Variants in LRP5 observed in about 807,000 individuals in gnomAD.
LRP5 encodes LDL receptor related protein 5.
LRP5 carries 62 observed loss-of-function variants against 154.1 expected under a neutral mutation model. That is an observed-to-expected ratio of 0.40 (90% CI 0.33 to 0.50). The LOEUF (loss-of-function observed/expected upper bound fraction) is 0.50, where lower values mean the gene tolerates loss of function less well. LRP5 is among the 20% of genes least tolerant of loss of function. The probability of loss-of-function intolerance (pLI) is 0.55; values close to 1 mark genes in which losing one functional copy is unlikely to be tolerated. For synonymous variants in LRP5, 966 were observed against 1,011.5 expected (o/e 0.96, Z 0.85); for missense variants, 1,915 against 2,336.7 (o/e 0.82, Z 3.72).
chr11:68,374,197 C>A (rs536816184), intron 5 of LRP5, among the ~76,000 whole-genome samples: 5 of 152,288 alleles, frequency 3.3e-5, no homozygotes, highest in South Asian at 2.1e-4. Context: ...CAGCTGGAGC[C>A]GACGGCAAAG....
intron 18 of LRP5, among the ~76,000 whole-genome samples, chr11:68,435,789 G>A (rs1173864325): frequency 1.3e-5 from 2 of 152,156 alleles, no homozygotes; most frequent in Non-Finnish European, 2.9e-5. Context: ...GCAGTGGCAT[G>A]ATCTTGGCTC....
At chr11:68,427,736 C>G (rs1459400618) in intron 16 of LRP5, among the ~76,000 whole-genome samples, 2 of 151,492 alleles carry the variant, frequency 1.3e-5, no homozygotes, top group Admixed American at 6.6e-5. Context: ...CCAAAAAAAC[C>G]GAACACTGAA....
At position 68,423,677 on chromosome 11, in the gene LRP5, C is replaced by A. The variant is rs200786182; in HGVS notation, c.3216C>A (p.Ile1072=). ...LRGDRDKPRA[I]VVNAERGYLY... The stretch of plus-strand genomic sequence containing the variant: ...GGGACCGCGACAAGCCCAGGGCCAT[C>A]GTCGTCAACGCGGAGCGAGGGTAGG... The change falls in exon 14 of 23, where the codon ATC becomes ATA. Residue 1072 remains isoleucine, a synonymous_variant. Coordinates refer to ENST00000294304, the MANE Select transcript of LRP5 (RefSeq NM_002335.4). The surrounding 1 kb of genome is among the most constrained non-coding windows in gnomAD (Gnocchi z 4.7). 1 of 1,612,772 alleles carries A rather than the reference C, an allele frequency of 6.2e-7. No homozygotes were observed.
intron 13 of LRP5, among the ~76,000 whole-genome samples, chr11:68,420,716 A>AG (rs1198966975): frequency 6.6e-6 from 1 of 152,054 alleles, no homozygotes; most frequent in Non-Finnish European, 1.5e-5. Flanking sequence ...AAAAAAAAAA[A>AG]AAATCATCGG....
intron 1 of LRP5, among the ~76,000 whole-genome samples, chr11:68,314,128 G>C (rs1236388664): frequency 3.9e-5 from 6 of 152,298 alleles, no homozygotes; most frequent in Non-Finnish European, 5.9e-5. Flanking sequence ...GGCCAGCGCC[G>C]CTCCTTTTTC....
At chr11:68,437,993 T>C (rs999930371) in intron 19 of LRP5, among the ~76,000 whole-genome samples, 1 of 152,214 alleles carries the variant, frequency 6.6e-6, no homozygotes, top group Non-Finnish European at 1.5e-5. Context: ...GAAACTTCCC[T>C]ATGGGCAGCC....
intron 13 of LRP5, among the ~76,000 whole-genome samples, chr11:68,417,306 G>T (rs546975243): frequency 7.9e-5 from 12 of 152,116 alleles, no homozygotes; most frequent in African/African-American, 2.7e-4. Flanking sequence ...TGTGTGTGTG[G>T]GTGTGACCCT....
chr11:68,405,959 G>T (rs475712), intron 8 of LRP5, among the ~76,000 whole-genome samples: 5 of 152,148 alleles, frequency 3.3e-5, no homozygotes, highest in African/African-American at 1.2e-4. Context: ...GGGCCAGATC[G>T]CAGGCCCGGA....
rs1371264708 is a variant in LRP5 at position 68,429,570 on chromosome 11, T to G, written c.3638-5T>G. The G allele has an allele frequency of 3.7e-6, 6 of 1,614,000 alleles. No individual in the cohort carries two copies. Among genetic ancestry groups the G allele is most frequent in the Non-Finnish European group, 3.4e-6 (4 of 1,180,046 alleles). On this transcript the variant is annotated splice_polypyrimidine_tract_variant and splice_region_variant and intron_variant, in intron 16 of 22. Coordinates refer to ENST00000294304, the MANE Select transcript of LRP5 (RefSeq NM_002335.4). ...ACCTCTGTTTGTCTTGTTTTGTCTTTGCAGCAGCCCACCCATGTGCCCGTG... is the reference window on the plus strand; with the variant it reads ...ACCTCTGTTTGTCTTGTTTTGTCTTGGCAGCAGCCCACCCATGTGCCCGTG...
intron 1 of LRP5, among the ~76,000 whole-genome samples, chr11:68,341,064 T>TTTTTTTTTTTTTTTTTTTTTTTTTTC: frequency 6.9e-6 from 1 of 145,490 alleles, no homozygotes; most frequent in African/African-American, 2.7e-5. Flanking sequence ...TTGTTCTTTT[T>TTTTTTTTTTTTTTTTTTTTTTTTTTC]TTTTTTTTTT....
intron 1 of LRP5, among the ~76,000 whole-genome samples, chr11:68,319,343 C>T (rs1236541157): frequency 6.6e-6 from 1 of 152,116 alleles, no homozygotes; most frequent in Non-Finnish European, 1.5e-5. Flanking sequence ...GCTGGGATTA[C>T]AGGCGTGAGC....
At position 68,423,801 on chromosome 11, in the gene LRP5, G is replaced by T; in HGVS notation, c.3236+104G>T. The T allele has an allele frequency of 8.6e-7, 1 of 1,164,778 alleles. No homozygotes were observed. The allele number at this position is 1,164,778 out of a possible 1,614,324, so 72.2% of individuals were successfully genotyped here. On this transcript the variant is annotated intron_variant, in intron 14 of 22. Coordinates refer to ENST00000294304, the MANE Select transcript of LRP5 (RefSeq NM_002335.4). The surrounding 1 kb of genome is among the most constrained non-coding windows in gnomAD (Gnocchi z 4.7). ...ACAGGCTGGGGAGACTTTCCACCCT[G>T]GGGATCCAATGGGTGGCTTTCCAGG...
chr11:68,337,043 A>G (rs2098606092), intron 1 of LRP5, among the ~76,000 whole-genome samples: 1 of 152,364 alleles, frequency 6.6e-6, no homozygotes, highest in Non-Finnish European at 1.5e-5. Context: ...ATAAAATGCC[A>G]TAAAAACGCC....
rs182404856 is a variant in LRP5, at chr11:68,352,452, A to G, written c.488+4209A>G. Among the ~76,000 whole-genome samples, 106 of 152,352 alleles carry G rather than the reference A, an allele frequency of 7.0e-4. 4 individuals are homozygous for G. In the East Asian group the frequency reaches 0.018, roughly 26 times the overall value. ...GCCCTTTCCTCGCCACCAGAAGTCC[A>G]GTCTCCATGCCTACGTGGTTTTGTC... On this transcript the variant is annotated intron_variant, in intron 2 of 22. Transcript: ENST00000294304.
At chr11:68,326,737 G>C (rs1199356718) in intron 1 of LRP5, among the ~76,000 whole-genome samples, 1 of 152,248 alleles carries the variant, frequency 6.6e-6, no homozygotes, top group Non-Finnish European at 1.5e-5. Context: ...CCCTCCAGCT[G>C]TGAGCCCAGG....
intron 9 of LRP5, among the ~76,000 whole-genome samples, chr11:68,409,073 A>AAAAAAAATATATATATATAT (rs2098657548): frequency 4.5e-5 from 2 of 44,180 alleles, no homozygotes; most frequent in African/African-American, 2.6e-4. Context: ...AAAAAAAAAA[A>AAAAAAAATATATATATATAT]ATATATATAT....
chr11:68,348,492 G>T (rs2098615521), intron 2 of LRP5, among the ~76,000 whole-genome samples: 1 of 141,422 alleles, frequency 7.1e-6, no homozygotes, highest in Non-Finnish European at 1.5e-5. Context: ...CCGTGGGGGG[G>T]TTGGCTCAGG....
intron 1 of LRP5, among the ~76,000 whole-genome samples, chr11:68,319,072 G>GTTTTTT (rs59893808): frequency 1.1e-5 from 1 of 92,246 alleles, no homozygotes; most frequent in Non-Finnish European, 2.1e-5. Context: ...CTGGCTCCTT[G>GTTTTTT]TTTTTTTTTT....
intron 7 of LRP5, among the ~76,000 whole-genome samples, chr11:68,394,744 G>T (rs1404811698): frequency 3.9e-5 from 6 of 152,178 alleles, no homozygotes; most frequent in Admixed American, 3.9e-4. Flanking sequence ...GATTACAGGC[G>T]TGAGCCACCG....
Sources: gnomAD v4.1 joint callset for allele counts (sites outside exome capture counted in the v4.1 genomes callset) on GRCh38, gnomAD v4.1.1 for gene constraint, Gnocchi (gnomAD v3.1) non-coding constraint, MANE v1.5 for transcripts, NCBI Gene and HGNC (gene_info 2026-07-23, HGNC 2026-07-21) for gene names.